Variants in NFATC2 observed in about 807,000 individuals in gnomAD.
NFATC2 encodes the protein nuclear factor of activated T cells 2.
A neutral mutation model predicts 87.3 loss-of-function variants in NFATC2; 22 were observed. The observed-to-expected ratio is 0.25, with a 90% CI of 0.18 to 0.36. The LOEUF (loss-of-function observed/expected upper bound fraction) is 0.36, where lower values mean the gene tolerates loss of function less well. Among genes scored for constraint, NFATC2 ranks in the 10% least tolerant of loss-of-function variants. The pLI, the probability that NFATC2 is intolerant of heterozygous loss-of-function variation, is 1.00. For missense variants in NFATC2, 1,149 were observed against 1,259.1 expected, an observed-to-expected ratio of 0.91 and a Z score of 1.32; for synonymous variants, 565 against 542.2, an observed-to-expected ratio of 1.04 and a Z score of -0.58.
intron 1 of NFATC2, among the ~76,000 whole-genome samples, chr20:51,559,803 A>C (rs144826193): frequency 2.9e-4 from 44 of 152,324 alleles, no homozygotes; most frequent in African/African-American, 8.4e-4. Context: ...CACTATCCTC[A>C]ACTGTCAGAC....
At chr20:51,405,376 A>T (rs1181196946) in intron 9 of NFATC2, among the ~76,000 whole-genome samples, 4 of 152,106 alleles carry the variant, frequency 2.6e-5, no homozygotes, top group African/African-American at 9.7e-5. Flanking sequence ...GCAGGCAAAC[A>T]CATTCACCTC....
intron 5 of NFATC2, among the ~76,000 whole-genome samples, chr20:51,459,501 C>CG (rs1986918550): frequency 6.6e-6 from 1 of 152,116 alleles, no homozygotes; most frequent in Non-Finnish European, 1.5e-5. Context: ...TCACTCTGTC[C>CG]GGGTCCAAGT....
At chr20:51,414,696 A>G (rs1444142658) in intron 9 of NFATC2, among the ~76,000 whole-genome samples, 1 of 128,150 alleles carries the variant, frequency 7.8e-6, no homozygotes, top group African/African-American at 4.1e-5. Context: ...TAAAAAAAGA[A>G]AAAAAAAAAG....
At chr20:51,418,270 AC>A (rs1434371119) in intron 9 of NFATC2, among the ~76,000 whole-genome samples, 1 of 152,220 alleles carries the variant, frequency 6.6e-6, no homozygotes, top group African/African-American at 2.4e-5. Flanking sequence ...TGTTACTTCT[AC>A]CAGAGCTGGA....
At position 51,480,298 on chromosome 20, in the gene NFATC2, G is replaced by A. The variant is rs867659390; in HGVS notation, c.1333-4638C>T. Reference sequence around the variant, plus strand: ...GCAAGACTCTGTCTCAAAAAAAATAGAATGTGCTTCCTGCCGCACAGGAGA... The same window carrying A: ...GCAAGACTCTGTCTCAAAAAAAATAAAATGTGCTTCCTGCCGCACAGGAGA... On this transcript the variant is annotated intron_variant, in intron 3 of 10. Coordinates refer to ENST00000371564, the MANE Select transcript of NFATC2 (RefSeq NM_012340.5). This position sits in a 1 kb window ranked among gnomAD's most constrained non-coding sequence, Gnocchi z 4.2. Among the ~76,000 whole-genome samples, 50 of 97,624 alleles carry A rather than the reference G, an allele frequency of 5.1e-4. No individual in the cohort carries two copies. Among genetic ancestry groups the A allele is most frequent in the Non-Finnish European group, 7.6e-4 (38 of 50,156 alleles). 64.0% of individuals were successfully genotyped at this position (97,624 alleles called of 152,430 possible). A position where few individuals can be genotyped will look rare whatever the true frequency, so the allele number is the denominator to read the frequency against.
At chr20:51,493,146 A>C (rs73910886) in intron 3 of NFATC2, among the ~76,000 whole-genome samples, 2,239 of 152,318 alleles carry the variant, frequency 0.015, 56 homozygotes, top group African/African-American at 0.051. Context: ...GTCGGCAGAC[A>C]CAAGCTCAAG....
At chr20:51,454,217 T>C (rs1986148546) in intron 6 of NFATC2, among the ~76,000 whole-genome samples, 1 of 152,202 alleles carries the variant, frequency 6.6e-6, no homozygotes, top group African/African-American at 2.4e-5. Flanking sequence ...TTTATCACTG[T>C]GCTGTTTGGC....
At chr20:51,467,153 C>A (rs1383625817) in intron 5 of NFATC2, among the ~76,000 whole-genome samples, 1 of 150,948 alleles carries the variant, frequency 6.6e-6, no homozygotes, top group East Asian at 1.9e-4. Context: ...ATACACAAAT[C>A]TGACAAAGGA....
intron 1 of NFATC2, among the ~76,000 whole-genome samples, chr20:51,525,078 G>C (rs1410735519): frequency 6.6e-6 from 1 of 152,100 alleles, no homozygotes; most frequent in African/African-American, 2.4e-5. Flanking sequence ...AAATTAGCCA[G>C]GCGTGGTGGC....
At chr20:51,444,771 G>A (rs1984829965) in intron 6 of NFATC2, among the ~76,000 whole-genome samples, 1 of 152,180 alleles carries the variant, frequency 6.6e-6, no homozygotes, top group South Asian at 2.1e-4. Flanking sequence ...CTAACTAGCA[G>A]AAAAACGTGT....
intron 3 of NFATC2, among the ~76,000 whole-genome samples, chr20:51,499,327 G>C (rs959898791): frequency 5.9e-5 from 9 of 152,154 alleles, no homozygotes; most frequent in Non-Finnish European, 1.0e-4. Flanking sequence ...GTAAGAAATG[G>C]TTGAGCACCC....
At chr20:51,537,127 C>T (rs1368893590) in intron 1 of NFATC2, among the ~76,000 whole-genome samples, 1 of 151,874 alleles carries the variant, frequency 6.6e-6, no homozygotes, top group Non-Finnish European at 1.5e-5. Flanking sequence ...AGCAGGTGTT[C>T]CTACACTGAA....
intron 3 of NFATC2, among the ~76,000 whole-genome samples, chr20:51,489,230 G>C (rs1444588451): frequency 6.6e-6 from 1 of 151,420 alleles, no homozygotes; most frequent in Non-Finnish European, 1.5e-5. Flanking sequence ...GAGTTCCTGG[G>C]AGGAAGCTCA....
At chr20:51,536,632 G>A (rs1039690728) in intron 1 of NFATC2, among the ~76,000 whole-genome samples, 1 of 152,190 alleles carries the variant, frequency 6.6e-6, no homozygotes, top group Non-Finnish European at 1.5e-5. Flanking sequence ...AAAGAACACA[G>A]GGGCTTGAAT....
chr20:51,489,766 A>G (rs908995105), intron 3 of NFATC2, among the ~76,000 whole-genome samples: 1 of 152,242 alleles, frequency 6.6e-6, no homozygotes, highest in Non-Finnish European at 1.5e-5. Context: ...AGATGATTCA[A>G]CTGCTCAGAA....
Position 51,524,061 on chromosome 20 carries a change from G to A in NFATC2, c.180C>T (p.Tyr60=), listed in dbSNP as rs764188698. Reference sequence around the variant, plus strand: ...GGCCATAGTCCAGGACATCATCGGGGTATGCGGGTCCGGAGGGTGGGCTGG... The same window carrying A: ...GGCCATAGTCCAGGACATCATCGGGATATGCGGGTCCGGAGGGTGGGCTGG... ...KVASPPSGPA[Y]PDDVLDYGLK... is the part of the protein sequence containing the mutation. Residue 60 remains tyrosine (Y), a synonymous_variant, in exon 2 of 11, where the codon TAC becomes TAT. Transcript: ENST00000371564. The surrounding 1 kb of genome is among the most constrained non-coding windows in gnomAD (Gnocchi z 4.0). The A allele has an allele frequency of 6.7e-7, 1 of 1,501,314 alleles. No homozygotes were observed. The highest frequency in any genetic ancestry group is 8.9e-7 in the Non-Finnish European group (1 of 1,128,288). The allele number at this position is 1,501,314 out of a possible 1,614,324, so 93.0% of individuals were successfully genotyped here.
At chr20:51,465,658 C>T (rs1486265431) in intron 5 of NFATC2, among the ~76,000 whole-genome samples, 2 of 152,086 alleles carry the variant, frequency 1.3e-5, no homozygotes, top group Middle Eastern at 3.2e-3. Flanking sequence ...CTCACAGGGG[C>T]CTTCCCTGAT....
At chr20:51,536,634 G>A (rs1269919073) in intron 1 of NFATC2, among the ~76,000 whole-genome samples, 1 of 152,168 alleles carries the variant, frequency 6.6e-6, no homozygotes, top group Non-Finnish European at 1.5e-5. Flanking sequence ...AGAACACAGG[G>A]GCTTGAATTT....
chr20:51,534,541 C>A (rs1197679392), intron 1 of NFATC2, among the ~76,000 whole-genome samples: 1 of 152,150 alleles, frequency 6.6e-6, no homozygotes, highest in African/African-American at 2.4e-5. Context: ...CACCATGTTG[C>A]CCAGGCTGGT....
Sources: gnomAD v4.1 joint callset for allele counts (sites outside exome capture counted in the v4.1 genomes callset) on GRCh38, gnomAD v4.1.1 for gene constraint, Gnocchi (gnomAD v3.1) non-coding constraint, MANE v1.5 for transcripts, NCBI Gene and HGNC (gene_info 2026-07-23, HGNC 2026-07-21) for gene names.